The following PARVB variants were observed in gnomAD, a reference collection of about 807,000 sequenced individuals.
PARVB encodes the protein parvin beta.
Under a neutral mutation model 47.0 loss-of-function variants are expected in PARVB, and 46 were observed. The observed-to-expected ratio is 0.98, with a 90% confidence interval of 0.77 to 1.25. The LOEUF (loss-of-function observed/expected upper bound fraction) is 1.25. Among genes scored for constraint, PARVB ranks in the 50% most tolerant of loss-of-function variants. The pLI is 0.00. For missense variants in PARVB, 473 were observed against 471.6 expected, an observed-to-expected ratio of 1.00 and a Z score of -0.03; for synonymous variants, 196 against 196.3, an observed-to-expected ratio of 1.00 and a Z score of 0.01.
intron 2 of PARVB, among the ~76,000 whole-genome samples, chr22:44,001,124 C>T (rs1042293480): frequency 6.6e-6 from 1 of 152,158 alleles, no homozygotes; most frequent in African/African-American, 2.4e-5. Context: ...GTGGTGGGCG[C>T]CTGTAGTCCC....
intron 1 of PARVB, among the ~76,000 whole-genome samples, chr22:44,042,028 C>T (rs1053146618): frequency 1.3e-4 from 20 of 152,152 alleles, no homozygotes; most frequent in African/African-American, 4.8e-4. Context: ...GGAGAAGAGG[C>T]CTGGGAAGAG....
chr22:44,074,275 T>C (rs1038535853), intron 1 of PARVB, among the ~76,000 whole-genome samples: 1 of 152,184 alleles, frequency 6.6e-6, no homozygotes, highest in African/African-American at 2.4e-5. Context: ...TCGGTTCTGT[T>C]GCCTGCACGA....
At chr22:44,033,163 A>T (rs1173338793) in intron 1 of PARVB, among the ~76,000 whole-genome samples, 1 of 152,036 alleles carries the variant, frequency 6.6e-6, no homozygotes, top group African/African-American at 2.4e-5. Context: ...ATCTCGGCTC[A>T]CTGCAGCCTC....
chr22:44,006,904 CCT>C (rs1014911406), intron 2 of PARVB, among the ~76,000 whole-genome samples: 3 of 152,222 alleles, frequency 2.0e-5, no homozygotes, highest in Admixed American at 1.3e-4. Flanking sequence ...AGTACCTCCC[CCT>C]GTCATGCCCC....
At chr22:44,123,421 C>T (rs2053115462) in intron 4 of PARVB, among the ~76,000 whole-genome samples, 1 of 152,000 alleles carries the variant, frequency 6.6e-6, no homozygotes, top group Non-Finnish European at 1.5e-5. Context: ...GCTGCAGCTG[C>T]TTTTCTTTTC....
At chr22:44,038,356 G>A (rs935927139) in intron 1 of PARVB, among the ~76,000 whole-genome samples, 19 of 152,274 alleles carry the variant, frequency 1.2e-4, no homozygotes, top group Middle Eastern at 3.4e-3. Flanking sequence ...GATCTTTCTG[G>A]GCCCTGGAGC....
At chr22:44,167,527 G>A (rs1342779229) in intron 12 of PARVB, among the ~76,000 whole-genome samples, 1 of 152,060 alleles carries the variant, frequency 6.6e-6, no homozygotes, top group African/African-American at 2.4e-5. Context: ...GGGCCAGGAG[G>A]TGATGGCCCC....
At chr22:44,031,308 C>A (rs1442083298) in intron 1 of PARVB, 1 of 152,234 alleles carries the variant, frequency 6.6e-6, no homozygotes, top group Non-Finnish European at 1.5e-5. Flanking sequence ...GTGGGTGGCT[C>A]AGCTACATTT....
intron 1 of PARVB, among the ~76,000 whole-genome samples, chr22:44,025,863 G>A (rs542679463): frequency 6.6e-6 from 1 of 152,316 alleles, no homozygotes; most frequent in Admixed American, 6.5e-5. Flanking sequence ...TGGAGCGCCC[G>A]CCATGGGCCA....
intron 9 of PARVB, chr22:44,149,513 C>T (rs969872936): frequency 1.3e-5 from 2 of 152,274 alleles, no homozygotes; most frequent in African/African-American, 2.4e-5. Context: ...CAGCCACAGC[C>T]TGAAGACCCC....
Position 44,122,554 on chromosome 22 carries a change from CACAGAGACAGAG to C in PARVB, c.376+3416_376+3427del, listed in dbSNP as rs2053085951. On this transcript the variant is annotated intron_variant, in intron 4 of 12. Transcript: ENST00000338758. ...AGAGAGAGAGAGAGAGAGAGAGAGA[CACAGAGACAGAG>C]AGAGAGAGAGAGAGAGAGAGAGAGA... 1.2e-3 allele frequency among the ~76,000 whole-genome samples: 67 copies of C among 54,070 alleles called. 3 individuals are homozygous for C. Among genetic ancestry groups the C allele is most frequent in the African/African-American group, 3.6e-3 (61 of 16,812 alleles). 35.5% of individuals were successfully genotyped at this position (54,070 alleles called of 152,430 possible).
chr22:44,027,654 C>G (rs978541288), intron 1 of PARVB, among the ~76,000 whole-genome samples: 1 of 152,054 alleles, frequency 6.6e-6, no homozygotes, highest in Admixed American at 6.5e-5. Context: ...TCCCAGCACT[C>G]TGGGAGGCCG....
intron 11 of PARVB, chr22:44,162,904 G>A (rs768161135): frequency 7.9e-5 from 12 of 152,218 alleles, no homozygotes; most frequent in Admixed American, 2.6e-4. Context: ...GGGAAGTCAC[G>A]GTAGGGCGGA....
At chr22:44,092,196 C>T (rs5764513) in intron 1 of PARVB, among the ~76,000 whole-genome samples, 75,158 of 151,912 alleles carry the variant, frequency 0.49, 19,100 homozygotes, top group East Asian at 0.86. Context: ...CTGCAACCTC[C>T]GCCTCCTGGG....
chr22:44,161,323 T>C (rs2054047479), intron 11 of PARVB, among the ~76,000 whole-genome samples: 1 of 150,544 alleles, frequency 6.6e-6, no homozygotes. Flanking sequence ...TTTTTTTTTT[T>C]TGGAGGCGGG....
At position 44,078,729 on chromosome 22, in the gene PARVB, GTATT is replaced by G. The variant is rs144341551; in HGVS notation, c.113-15188_113-15185del. Among the ~76,000 whole-genome samples, 971 of 152,088 alleles carry G rather than the reference GTATT, an allele frequency of 6.4e-3. 5 individuals are homozygous for G. Among genetic ancestry groups the G allele is most frequent in the Middle Eastern group, 0.02 (6 of 294 alleles). Reference sequence around the variant, plus strand: ...ATGGAGTAGAATATAGGTCCTTTGAGTATTTATTTATTTAAGATGGAGTCTCACT... The same window carrying G: ...ATGGAGTAGAATATAGGTCCTTTGAGTATTTATTTAAGATGGAGTCTCACT... On this transcript the variant is annotated intron_variant, in intron 1 of 12. Transcript: ENST00000338758.
chr22:44,104,307 T>C (rs946555647), intron 3 of PARVB: 2 of 152,134 alleles, frequency 1.3e-5, no homozygotes, highest in African/African-American at 2.4e-5. Context: ...CCACTCTTGA[T>C]CAATCATTTT....
At chr22:44,101,191 C>T (rs917465798) in intron 3 of PARVB, among the ~76,000 whole-genome samples, 7 of 151,040 alleles carry the variant, frequency 4.6e-5, no homozygotes, top group Non-Finnish European at 1.0e-4. Context: ...GGGCGGATCA[C>T]GAGGTCAGGA....
At chr22:44,138,931 G>T (rs2053495819) in intron 7 of PARVB, 1 of 152,240 alleles carries the variant, frequency 6.6e-6, no homozygotes, top group Non-Finnish European at 1.5e-5. Context: ...GGAGCCAAAG[G>T]ACTTGAGCCT....
Sources: gnomAD v4.1 joint callset for allele counts (sites outside exome capture counted in the v4.1 genomes callset) on GRCh38, gnomAD v4.1.1 for gene constraint, MANE v1.5 for transcripts, NCBI Gene and HGNC (gene_info 2026-07-23, HGNC 2026-07-21) for gene names.